Variants in MAD1L1 observed in about 807,000 individuals in gnomAD.
The protein encoded by MAD1L1 is mitotic arrest deficient 1 like 1.
MAD1L1 carries 95 observed loss-of-function variants against 96.9 expected under a neutral mutation model. That is an observed-to-expected ratio of 0.98 (90% CI 0.83 to 1.16). The LOEUF (loss-of-function observed/expected upper bound fraction) is 1.16. MAD1L1 is among the 50% of genes most tolerant of loss of function. The pLI, the probability that MAD1L1 is intolerant of heterozygous loss-of-function variation, is 0.00. For missense variants in MAD1L1, 1,007 were observed against 954.4 expected, an observed-to-expected ratio of 1.06 and a Z score of -0.73; for synonymous variants, 473 against 396.6, an observed-to-expected ratio of 1.19 and a Z score of -2.29.
intron 11 of MAD1L1, among the ~76,000 whole-genome samples, chr7:2,137,976 C>T (rs1562721280): frequency 6.6e-6 from 1 of 152,212 alleles, no homozygotes; most frequent in African/African-American, 2.4e-5. Context: ...ACCAGCCACA[C>T]GACACAGGCC....
rs1206246307 is a variant in MAD1L1 at position 2,114,107 on chromosome 7, G to A, written c.1073+35045C>T. On this transcript the variant is annotated intron_variant, in intron 11 of 18. Coordinates refer to ENST00000265854, the MANE Select transcript of MAD1L1 (RefSeq NM_001013836.2). This position sits in a 1 kb window ranked among gnomAD's most constrained non-coding sequence, Gnocchi z 4.2. ...ATAACTGTACACGGGCTCACAAGAC[G>A]TTACCCTCGGGAAAGCTGGCGGAGG... Among the ~76,000 whole-genome samples the A allele has an allele frequency of 7.9e-5, 12 of 152,210 alleles. No homozygotes were observed. Among genetic ancestry groups the A allele is most frequent in the African/African-American group, 1.9e-4 (8 of 41,450 alleles).
At chr7:2,049,088 T>C (rs1345186714) in intron 12 of MAD1L1, among the ~76,000 whole-genome samples, 2 of 152,218 alleles carry the variant, frequency 1.3e-5, no homozygotes, top group Admixed American at 1.3e-4. Flanking sequence ...TTTAAAAATA[T>C]TTTCAAAGCA....
Position 2,017,100 on chromosome 7 carries a change from T to C in MAD1L1, c.1219-2458A>G, listed in dbSNP as rs574739659. ...GCACAGAAGAAAAGCATTAGAAAGTTTGTTGTTTGTACCCTTTCAAGAACC... is the reference window on the plus strand; with the variant it reads ...GCACAGAAGAAAAGCATTAGAAAGTCTGTTGTTTGTACCCTTTCAAGAACC... On this transcript the variant is annotated intron_variant, in intron 12 of 18. Transcript: ENST00000265854. 2.0e-5 allele frequency among the ~76,000 whole-genome samples: 3 copies of C among 152,334 alleles called. No individual in the cohort carries two copies. In the East Asian group the frequency reaches 5.8e-4, roughly 29 times the overall value.
chr7:2,231,636 A>G, intron 1 of MAD1L1, among the ~76,000 whole-genome samples: 1 of 152,280 alleles, frequency 6.6e-6, no homozygotes, highest in Middle Eastern at 3.4e-3. Context: ...TTAAAAAAAA[A>G]ATCTGGCCTC....
chr7:2,228,768 T>A (rs958854079), intron 3 of MAD1L1, among the ~76,000 whole-genome samples: 3 of 148,284 alleles, frequency 2.0e-5, no homozygotes, highest in African/African-American at 7.5e-5. Context: ...TGAGACAGGG[T>A]CTCACTCTGT....
chr7:1,854,052 T>C (rs1198501774), intron 18 of MAD1L1, among the ~76,000 whole-genome samples: 1 of 152,186 alleles, frequency 6.6e-6, no homozygotes, highest in Non-Finnish European at 1.5e-5. Flanking sequence ...TGAAGGGTAA[T>C]TACCAGCTCG....
At chr7:2,231,751 A>G (rs1234089278) in intron 1 of MAD1L1, among the ~76,000 whole-genome samples, 1 of 152,202 alleles carries the variant, frequency 6.6e-6, no homozygotes, top group African/African-American at 2.4e-5. Context: ...AAGTACTACT[A>G]CTATTTTCAA....
At chr7:1,836,944 CATAAA>C (rs1462877640) in intron 18 of MAD1L1, among the ~76,000 whole-genome samples, 1 of 152,102 alleles carries the variant, frequency 6.6e-6, no homozygotes, top group Non-Finnish European at 1.5e-5. Flanking sequence ...AAGCACACTC[CATAAA>C]ATAAAAGACG....
chr7:2,163,719 C>T (rs1403470550), intron 10 of MAD1L1, among the ~76,000 whole-genome samples: 2 of 152,088 alleles, frequency 1.3e-5, no homozygotes, highest in Admixed American at 1.3e-4. Flanking sequence ...AGTTGCTGTG[C>T]AGCAGGAATC....
rs957927607 is a variant in MAD1L1, at chr7:1,887,634, T to C, written c.1998+10566A>G. ...GGCTGCCTGTGCATGGGCATGTGTG[T>C]GCATGCATGCATGTGGGTGCCTGTG... On this transcript the variant is annotated intron_variant, in intron 18 of 18. Transcript: ENST00000265854. Among the ~76,000 whole-genome samples, 8 of 149,162 alleles carry C rather than the reference T, an allele frequency of 5.4e-5. No individual in the cohort carries two copies. In the East Asian group the frequency reaches 8.1e-4, roughly 15 times the overall value.
chr7:1,952,449 CG>C (rs751177895), intron 16 of MAD1L1, among the ~76,000 whole-genome samples: 5 of 152,200 alleles, frequency 3.3e-5, no homozygotes, highest in Non-Finnish European at 5.9e-5. Context: ...CTTCCTTTCA[CG>C]GACGGGAAGC....
At chr7:1,939,442 G>GT (rs1562543656) in intron 16 of MAD1L1, among the ~76,000 whole-genome samples, 1 of 152,182 alleles carries the variant, frequency 6.6e-6, no homozygotes, top group African/African-American at 2.4e-5. Flanking sequence ...CTGTGGGGCA[G>GT]TGAGACTGGA....
chr7:2,162,599 AAAAC>A (rs1304565874), intron 10 of MAD1L1, among the ~76,000 whole-genome samples: 1 of 150,614 alleles, frequency 6.6e-6, no homozygotes, highest in Non-Finnish European at 1.5e-5. Context: ...ACTAAAAAAA[AAAAC>A]AAACAAAAAA....
At chr7:2,219,583 GA>G in intron 5 of MAD1L1, 127 bp from the exon 6 acceptor site, 2 of 911,112 alleles carry the variant, frequency 2.2e-6, no homozygotes, top group Non-Finnish European at 3.2e-6. Flanking sequence ...GCAGGAGGCA[GA>G]GGGGCAGAGG....
chr7:2,156,316 C>A (rs1789844556), intron 10 of MAD1L1, among the ~76,000 whole-genome samples: 1 of 152,114 alleles, frequency 6.6e-6, no homozygotes, highest in Non-Finnish European at 1.5e-5. Flanking sequence ...GCAGTGGATG[C>A]ATGGTTTCAC....
At chr7:1,899,135 A>T (rs1348655117) in intron 17 of MAD1L1, among the ~76,000 whole-genome samples, 9 of 152,008 alleles carry the variant, frequency 5.9e-5, no homozygotes. Context: ...ACAGCCCCAC[A>T]CCCTGCCCGT....
intron 16 of MAD1L1, among the ~76,000 whole-genome samples, chr7:1,953,822 G>A (rs199562042): frequency 3.3e-5 from 5 of 152,256 alleles, no homozygotes; most frequent in African/African-American, 1.2e-4. Flanking sequence ...TCCCATCACT[G>A]CTGGGTGACA....
intron 18 of MAD1L1, chr7:1,897,988 G>T (rs1025291395): frequency 1.7e-6 from 1 of 603,316 alleles, no homozygotes; most frequent in Non-Finnish European, 3.0e-6. Context: ...CACCCAGGAG[G>T]TCCAGGGCTG....
intron 18 of MAD1L1, among the ~76,000 whole-genome samples, chr7:1,874,951 G>A (rs990960353): frequency 2.6e-5 from 4 of 152,116 alleles, no homozygotes; most frequent in Non-Finnish European, 4.4e-5. Context: ...CCCCCACCCC[G>A]GGCCCCGGCT....
Sources: allele counts gnomAD v4.1 joint callset (sites outside exome capture counted in the v4.1 genomes callset), GRCh38; gene constraint gnomAD v4.1.1; non-coding constraint Gnocchi (gnomAD v3.1); transcripts MANE v1.5; gene names NCBI Gene and HGNC (gene_info 2026-07-23, HGNC 2026-07-21).